ESRRG: variants seen among roughly 807,000 people sequenced by gnomAD.
The protein encoded by ESRRG is estrogen-related receptor gamma.
ESRRG carries 13 observed loss-of-function variants against 44.0 expected under a neutral mutation model. The ratio of observed to expected loss-of-function variants is 0.30; its 90% CI spans 0.19 to 0.47. The LOEUF (loss-of-function observed/expected upper bound fraction) is 0.47. Ranked by LOEUF, ESRRG falls within the 20% of genes least tolerant of loss-of-function variation. The pLI, the probability that ESRRG is intolerant of heterozygous loss-of-function variation, is 1.00. For missense variants in ESRRG, 395 were observed against 580.6 expected (o/e 0.68, Z 3.29); for synonymous variants, 215 against 214.6 (o/e 1.00, Z -0.02).
intron 2 of ESRRG, among the ~76,000 whole-genome samples, chr1:216,814,216 C>A (rs1460076383): frequency 2.6e-5 from 4 of 152,102 alleles, no homozygotes; most frequent in Non-Finnish European, 4.4e-5. Context: ...AGTAATCAAA[C>A]CAAATTAGCA....
At position 217,011,597 on chromosome 1, in the gene ESRRG, G is replaced by T. The variant is rs182432763; in HGVS notation, c.-105-71924C>A. Among the ~76,000 whole-genome samples, 39 of 146,196 alleles carry T rather than the reference G, an allele frequency of 2.7e-4. 1 individual carries two copies. Among genetic ancestry groups the T allele is most frequent in the Admixed American group, 2.5e-3 (35 of 13,958 alleles). On this transcript the variant is annotated intron_variant, in intron 1 of 7. Transcript: ENST00000359162. ...AAAAAAAACTTCACTCCTCGTTTCA[G>T]TAGGTCCAGTCGAGAAACTAGCCTG...
At chr1:216,965,055 C>T (rs1438693966) in intron 1 of ESRRG, among the ~76,000 whole-genome samples, 1 of 152,044 alleles carries the variant, frequency 6.6e-6, no homozygotes, top group African/African-American at 2.4e-5. Flanking sequence ...TGAAAGAGGG[C>T]ACAAAATATC....
chr1:216,638,749 A>G (rs2065804323), intron 3 of ESRRG, among the ~76,000 whole-genome samples: 1 of 152,188 alleles, frequency 6.6e-6, no homozygotes, highest in Non-Finnish European at 1.5e-5. Context: ...AGCTCTCAAA[A>G]CACACTTGTT....
intron 6 of ESRRG, among the ~76,000 whole-genome samples, chr1:216,509,400 T>C (rs1010804001): frequency 3.3e-5 from 5 of 152,322 alleles, no homozygotes; most frequent in South Asian, 2.1e-4. Flanking sequence ...CCTAAATCTG[T>C]CTCCAAATTC....
chr1:217,000,899 C>A (rs951146649), intron 1 of ESRRG, among the ~76,000 whole-genome samples: 1 of 152,226 alleles, frequency 6.6e-6, no homozygotes, highest in African/African-American at 2.4e-5. Context: ...GACAGATACA[C>A]TTTTCCATTC....
chr1:216,745,930 G>C (rs964551472), intron 2 of ESRRG, among the ~76,000 whole-genome samples: 5 of 152,160 alleles, frequency 3.3e-5, no homozygotes, highest in Non-Finnish European at 5.9e-5. Flanking sequence ...TTAATACAGG[G>C]TTTAATATAG....
rs868177719 is a variant in ESRRG at position 216,514,959 on chromosome 1, T to C, written c.1132+4193A>G. Among the ~76,000 whole-genome samples the C allele has an allele frequency of 8.7e-5, 13 of 149,264 alleles. No individual in the cohort carries two copies. The South Asian group carries it at 1.3e-3, about 15-fold the overall frequency. On this transcript the variant is annotated intron_variant, in intron 6 of 6. Coordinates refer to ENST00000408911, the MANE Select transcript of ESRRG (RefSeq NM_001438.4). ...CTGGCTAAGGCCCAGTTTTACTTTA[T>C]ACACACACACACACACACACACACA...
At chr1:216,809,069 A>G (rs1033507570) in intron 2 of ESRRG, among the ~76,000 whole-genome samples, 4 of 152,072 alleles carry the variant, frequency 2.6e-5, no homozygotes, top group African/African-American at 9.7e-5. Context: ...GCTACGCTAA[A>G]TTTTTGTACT....
chr1:217,120,537 G>A (rs1329913457), intron 1 of ESRRG, among the ~76,000 whole-genome samples: 1 of 151,256 alleles, frequency 6.6e-6, no homozygotes, highest in Admixed American at 6.6e-5. Flanking sequence ...TTAGAACAAA[G>A]AGAAATCTCC....
intron 1 of ESRRG, among the ~76,000 whole-genome samples, chr1:216,953,151 A>G (rs552191403): frequency 6.6e-6 from 1 of 152,286 alleles, no homozygotes; most frequent in Non-Finnish European, 1.5e-5. Flanking sequence ...TCCTCCATGC[A>G]GAAAGGTATT....
chr1:217,031,550 C>T (rs900608738), intron 1 of ESRRG, among the ~76,000 whole-genome samples: 2 of 152,236 alleles, frequency 1.3e-5, no homozygotes, highest in African/African-American at 4.8e-5. Flanking sequence ...AAGGGAGAAA[C>T]ATATGACAAC....
intron 2 of ESRRG, among the ~76,000 whole-genome samples, chr1:216,876,565 TG>T (rs1317248949): frequency 0.017 from 2,645 of 151,942 alleles, 104 homozygotes; most frequent in African/African-American, 0.061. Flanking sequence ...ACTTTTTATT[TG>T]TTTTTTCAAA....
chr1:216,593,782 C>G (rs1049398576), intron 3 of ESRRG, among the ~76,000 whole-genome samples: 2 of 152,156 alleles, frequency 1.3e-5, no homozygotes, highest in Non-Finnish European at 2.9e-5. Context: ...CTCTGTCACC[C>G]AGGATGGAGT....
At chr1:216,658,437 T>C (rs1272180488) in intron 2 of ESRRG, among the ~76,000 whole-genome samples, 1 of 152,094 alleles carries the variant, frequency 6.6e-6, no homozygotes, top group Non-Finnish European at 1.5e-5. Flanking sequence ...GACAAAATTT[T>C]TGTATGTCCA....
intron 1 of ESRRG, among the ~76,000 whole-genome samples, chr1:216,971,597 C>A (rs1464794388): frequency 6.6e-6 from 1 of 152,148 alleles, no homozygotes; most frequent in African/African-American, 2.4e-5. Flanking sequence ...TGGCACCAGT[C>A]ATTAGCTATT....
At chr1:216,906,527 C>A (rs1321427330) in intron 2 of ESRRG, among the ~76,000 whole-genome samples, 3 of 152,172 alleles carry the variant, frequency 2.0e-5, no homozygotes, top group African/African-American at 7.2e-5. Context: ...CCTAGGGATG[C>A]ACTCTCCCTC....
intron 2 of ESRRG, among the ~76,000 whole-genome samples, chr1:216,877,377 G>T (rs2096371692): frequency 1.3e-5 from 1 of 79,378 alleles, no homozygotes; most frequent in Non-Finnish European, 2.4e-5. Context: ...TATAGGTATG[G>T]TGTTTTTTTT....
At chr1:217,062,211 G>A (rs922735349) in intron 1 of ESRRG, among the ~76,000 whole-genome samples, 2 of 152,082 alleles carry the variant, frequency 1.3e-5, no homozygotes, top group African/African-American at 4.8e-5. Flanking sequence ...ATGTCACGCA[G>A]GATGCCGCAG....
intron 2 of ESRRG, among the ~76,000 whole-genome samples, chr1:216,854,666 T>C (rs139326287): frequency 1.3e-5 from 2 of 152,186 alleles, no homozygotes; most frequent in African/African-American, 2.4e-5. Context: ...TAACTACTTA[T>C]GGCTATACAA....
Sources: gnomAD v4.1 joint callset for allele counts (sites outside exome capture counted in the v4.1 genomes callset) on GRCh38, gnomAD v4.1.1 for gene constraint, MANE v1.5 for transcripts, NCBI Gene and HGNC (gene_info 2026-07-23, HGNC 2026-07-21) for gene names.